FGD4: variants seen among roughly 807,000 people sequenced by gnomAD.
The protein encoded by FGD4 is FYVE, RhoGEF and PH domain containing 4.
FGD4 carries 42 observed loss-of-function variants against 102.0 expected under a neutral mutation model. The observed-to-expected ratio is 0.41, with a 90% CI of 0.32 to 0.53. FGD4 has a LOEUF of 0.53. Among genes scored for constraint, FGD4 ranks in the 20% least tolerant of loss-of-function variants. The pLI, the probability that FGD4 is intolerant of heterozygous loss-of-function variation, is 0.21. For missense variants in FGD4, 902 were observed against 1,078.2 expected (o/e 0.84, Z 2.29); for synonymous variants, 380 against 375.7 (o/e 1.01, Z -0.13).
At chr12:32,468,165 T>A (rs2136511196) in intron 1 of FGD4, among the ~76,000 whole-genome samples, 1 of 152,136 alleles carries the variant, frequency 6.6e-6, no homozygotes, top group South Asian at 2.1e-4. Context: ...ACCTCAGCCT[T>A]CCAAGTAGCT....
intron 4 of FGD4, among the ~76,000 whole-genome samples, chr12:32,583,422 G>C (rs1946773852): frequency 6.6e-6 from 1 of 152,046 alleles, no homozygotes; most frequent in Non-Finnish European, 1.5e-5. Flanking sequence ...TTTTTTTCAA[G>C]GTCACGCTGT....
chr12:32,472,938 C>T (rs1943459146), intron 1 of FGD4, among the ~76,000 whole-genome samples: 2 of 152,230 alleles, frequency 1.3e-5, no homozygotes, highest in South Asian at 4.2e-4. Context: ...CCAATCGGCA[C>T]TCTGTATCTA....
chr12:32,541,567 C>G (rs1306302127), intron 1 of FGD4, among the ~76,000 whole-genome samples: 2 of 151,996 alleles, frequency 1.3e-5, no homozygotes, highest in Admixed American at 6.5e-5. Context: ...GGTTTCACCA[C>G]GTTGGCCAGG....
intron 1 of FGD4, chr12:32,502,209 G>T: frequency 1.4e-5 from 14 of 985,490 alleles, no homozygotes; most frequent in Non-Finnish European, 1.7e-5. Flanking sequence ...GCCTGTGCTG[G>T]GTGAGATTAT....
chr12:32,612,056 C>T (rs907012002), intron 10 of FGD4, among the ~76,000 whole-genome samples: 1 of 152,240 alleles, frequency 6.6e-6, no homozygotes, highest in Non-Finnish European at 1.5e-5. Context: ...CTTGGGGCAG[C>T]GCTGATATGC....
intron 15 of FGD4, among the ~76,000 whole-genome samples, chr12:32,636,548 A>G (rs1350175366): frequency 6.6e-6 from 1 of 151,844 alleles, no homozygotes; most frequent in African/African-American, 2.4e-5. Flanking sequence ...AAAAAAAAAA[A>G]TTGTCTATGC....
At chr12:32,565,416 G>A (rs938310084) in intron 2 of FGD4, among the ~76,000 whole-genome samples, 23 of 152,106 alleles carry the variant, frequency 1.5e-4, no homozygotes, top group Non-Finnish European at 2.5e-4. Flanking sequence ...TAGCATTGAC[G>A]TGAATATAAA....
chr12:32,610,409 G>A (rs2136757526), intron 8 of FGD4, among the ~76,000 whole-genome samples: 1 of 152,292 alleles, frequency 6.6e-6, no homozygotes, highest in East Asian at 1.9e-4. Flanking sequence ...GCAATTCTGT[G>A]CACTCAATAC....
rs1413360866 is a variant in FGD4, at chr12:32,491,156, A to AAC, written c.167-72980_167-72979dup. 2.0e-5 allele frequency among the ~76,000 whole-genome samples: 3 copies of AAC among 151,658 alleles called. No individual in the cohort carries two copies. The East Asian group carries it at 5.8e-4, about 29-fold the overall frequency. On this transcript the variant is annotated intron_variant, in intron 1 of 16. Transcript: ENST00000534526. ...TTAAAAAAAAAAAAAAAAAACAAAA[A>AAC]ACTATAAAATTGGAAAGGTATATAA...
rs770668084 is a variant in FGD4 at position 32,564,297 on chromosome 12, C to A, written c.319+8C>A. On this transcript the variant is annotated splice_region_variant and intron_variant, in intron 2 of 16. Transcript: ENST00000534526. ...CAAGTCCAAAGCCACAAGGTATGCTCACTGGGAGTTTGTGTTCGGGGTGGG... is the reference window on the plus strand; with the variant it reads ...CAAGTCCAAAGCCACAAGGTATGCTAACTGGGAGTTTGTGTTCGGGGTGGG... 1.4e-5 allele frequency: 21 copies of A among 1,535,286 alleles called. No homozygotes were observed. Among genetic ancestry groups the A allele is most frequent in the South Asian group, 2.4e-5 (2 of 83,906 alleles).
At chr12:32,594,204 C>G (rs1565882904) in intron 4 of FGD4, among the ~76,000 whole-genome samples, 1 of 152,142 alleles carries the variant, frequency 6.6e-6, no homozygotes, top group East Asian at 1.9e-4. Flanking sequence ...GAAGCTTCAT[C>G]TGTATTTACA....
chr12:32,500,654 G>A (rs367945110), intron 1 of FGD4, among the ~76,000 whole-genome samples: 192 of 151,928 alleles, frequency 1.3e-3, no homozygotes, highest in African/African-American at 4.4e-3. Flanking sequence ...GGATGGTTTC[G>A]AGATCCTGAC....
At chr12:32,580,195 T>A (rs1946491923) in intron 3 of FGD4, among the ~76,000 whole-genome samples, 1 of 152,204 alleles carries the variant, frequency 6.6e-6, no homozygotes, top group South Asian at 2.1e-4. Flanking sequence ...TTCTGCTTGT[T>A]ACATTGTGAC....
At chr12:32,530,889 A>G (rs1348573809) in intron 1 of FGD4, among the ~76,000 whole-genome samples, 2 of 147,998 alleles carry the variant, frequency 1.4e-5, no homozygotes, top group African/African-American at 5.1e-5. Context: ...TATACCAAAA[A>G]TTATTTAGGG....
At chr12:32,511,000 G>A (rs767064762) in intron 1 of FGD4, among the ~76,000 whole-genome samples, 3 of 152,176 alleles carry the variant, frequency 2.0e-5, no homozygotes, top group Non-Finnish European at 4.4e-5. Context: ...TTAAGCAGGA[G>A]GATTGAGCCA....
chr12:32,601,137 A>T, intron 5 of FGD4, 141 bp from the exon 6 acceptor site: 1 of 817,498 alleles, frequency 1.2e-6, no homozygotes, highest in East Asian at 2.7e-5. Context: ...ACTCACTCCT[A>T]AATTTCAAAG....
At chr12:32,623,312 T>C (rs540605613) in intron 11 of FGD4, among the ~76,000 whole-genome samples, 1 of 152,146 alleles carries the variant, frequency 6.6e-6, no homozygotes, top group African/African-American at 2.4e-5. Flanking sequence ...GCAACAGAAA[T>C]GTGGTGGCAA....
intron 1 of FGD4, among the ~76,000 whole-genome samples, chr12:32,476,729 G>C (rs890945246): frequency 1.3e-5 from 2 of 152,154 alleles, no homozygotes; most frequent in African/African-American, 4.8e-5. Context: ...AAACATAAAA[G>C]AAGGTGCCTG....
intron 14 of FGD4, among the ~76,000 whole-genome samples, chr12:32,628,140 G>A (rs531195622): frequency 3.3e-5 from 5 of 152,240 alleles, no homozygotes; most frequent in Admixed American, 1.3e-4. Context: ...AAATGTTGAA[G>A]TCCACAGACA....
Sources: gnomAD v4.1 joint callset for allele counts (sites outside exome capture counted in the v4.1 genomes callset) on GRCh38, gnomAD v4.1.1 for gene constraint, MANE v1.5 for transcripts, NCBI Gene and HGNC (gene_info 2026-07-23, HGNC 2026-07-21) for gene names.